Variants in SH3RF3 observed in about 807,000 individuals in gnomAD.
The protein encoded by SH3RF3 is SH3 domain containing ring finger 3.
A neutral mutation model predicts 66.3 loss-of-function variants in SH3RF3; 29 were observed. The ratio of observed to expected loss-of-function variants is 0.44; its 90% CI spans 0.33 to 0.60. The LOEUF (loss-of-function observed/expected upper bound fraction) is 0.60. Ranked by LOEUF, SH3RF3 falls within the 20% of genes least tolerant of loss-of-function variation. SH3RF3 has a pLI of 0.04. For missense variants in SH3RF3, 1,194 were observed against 1,190.9 expected, an observed-to-expected ratio of 1.00 and a Z score of -0.04; for synonymous variants, 583 against 532.0, an observed-to-expected ratio of 1.10 and a Z score of -1.32.
At chr2:109,398,995 C>A in intron 4 of SH3RF3, 52 bp downstream of exon 4, 1 of 1,525,938 alleles carries the variant, frequency 6.6e-7, no homozygotes, top group Non-Finnish European at 8.8e-7. Flanking sequence ...GGGGTTCTAT[C>A]CTCAGCTCCG....
intron 1 of SH3RF3, among the ~76,000 whole-genome samples, chr2:109,214,206 A>G (rs906665413): frequency 6.6e-6 from 1 of 152,188 alleles, no homozygotes; most frequent in African/African-American, 2.4e-5. Flanking sequence ...GTGACTGGAA[A>G]TAAAGCTGTC....
At chr2:109,455,343 T>TG (rs1350434701) in intron 8 of SH3RF3, among the ~76,000 whole-genome samples, 1 of 152,168 alleles carries the variant, frequency 6.6e-6, no homozygotes, top group Non-Finnish European at 1.5e-5. Flanking sequence ...AATGAATCAC[T>TG]TACCAGTCCA....
chr2:109,276,320 C>T (rs1238137608), intron 1 of SH3RF3, among the ~76,000 whole-genome samples: 1 of 152,180 alleles, frequency 6.6e-6, no homozygotes, highest in African/African-American at 2.4e-5. Context: ...TGGGATTTGT[C>T]CTTTGAGCTA....
At chr2:109,164,860 G>C (rs557470173) in intron 1 of SH3RF3, among the ~76,000 whole-genome samples, 65 of 152,306 alleles carry the variant, frequency 4.3e-4, no homozygotes, top group African/African-American at 1.6e-3. Context: ...TCTAATCAAG[G>C]CTGCAAGTTC....
chr2:109,466,072 C>CTTTTTTT (rs1171998206), intron 8 of SH3RF3, among the ~76,000 whole-genome samples: 180 of 82,372 alleles, frequency 2.2e-3, no homozygotes, highest in Non-Finnish European at 2.6e-3. Flanking sequence ...ACCTGTACAT[C>CTTTTTTT]TTTTTTTTTT....
chr2:109,447,989 T>A (rs1211619971), intron 7 of SH3RF3, among the ~76,000 whole-genome samples: 1 of 152,156 alleles, frequency 6.6e-6, no homozygotes, highest in Non-Finnish European at 1.5e-5. Flanking sequence ...CGGCTTCTCC[T>A]CCAGGCTGCT....
chr2:109,221,594 A>C (rs1286612308), intron 1 of SH3RF3, among the ~76,000 whole-genome samples: 1 of 151,894 alleles, frequency 6.6e-6, no homozygotes, highest in African/African-American at 2.4e-5. Flanking sequence ...AAAAAAAAAA[A>C]AAAAAAAAGT....
intron 8 of SH3RF3, among the ~76,000 whole-genome samples, chr2:109,487,957 C>T (rs541358535): frequency 3.9e-5 from 6 of 152,216 alleles, no homozygotes; most frequent in Admixed American, 1.3e-4. Flanking sequence ...GGAGCCTAGA[C>T]GGGGATGAAC....
rs754038639 is a variant in SH3RF3 at position 109,449,327 on chromosome 2, A to G, written c.1986A>G (p.Pro662=). 1 of 1,605,028 alleles carries G rather than the reference A, an allele frequency of 6.2e-7. No individual in the cohort carries two copies. The highest frequency in any genetic ancestry group is 8.5e-7 in the Non-Finnish European group (1 of 1,174,974). Residue 662 remains proline, a synonymous_variant, in exon 8 of 10, where the codon CCA becomes CCG. Coordinates refer to ENST00000309415, the MANE Select transcript of SH3RF3 (RefSeq NM_001099289.3). ...HSHQPPVQMC[P]RPAIPLTSAA... ...ACCAGCCCCCGGTGCAGATGTGCCC[A>G]CGGCCGGCCATCCCCCTCACATCAG...
At chr2:109,384,429 C>G (rs1017857427) in intron 3 of SH3RF3, among the ~76,000 whole-genome samples, 25 of 152,060 alleles carry the variant, frequency 1.6e-4, no homozygotes, top group African/African-American at 5.3e-4. Context: ...AGGGAGGGAG[C>G]AGGTCCAGGG....
chr2:109,491,061 A>C, intron 9 of SH3RF3, 125 bp downstream of exon 9: 1 of 870,730 alleles, frequency 1.1e-6, no homozygotes, highest in Non-Finnish European at 1.6e-6. Flanking sequence ...GTACCTCAAC[A>C]CCCAGATCCA....
chr2:109,377,885 G>A (rs1043634546), intron 3 of SH3RF3, among the ~76,000 whole-genome samples: 1 of 152,212 alleles, frequency 6.6e-6, no homozygotes, highest in African/African-American at 2.4e-5. Context: ...GTATGCTCTT[G>A]AGACGTTTGG....
intron 8 of SH3RF3, among the ~76,000 whole-genome samples, chr2:109,451,016 C>T (rs181742145): frequency 6.6e-6 from 1 of 152,352 alleles, no homozygotes; most frequent in Non-Finnish European, 1.5e-5. Flanking sequence ...TGGAGGCAGG[C>T]CCTGCTCCCC....
intron 1 of SH3RF3, among the ~76,000 whole-genome samples, chr2:109,295,260 C>T (rs1243116286): frequency 3.3e-5 from 5 of 152,208 alleles, no homozygotes; most frequent in Admixed American, 6.5e-5. Flanking sequence ...TCGCTTGGGC[C>T]TGCGGTGGCT....
chr2:109,338,683 A>G (rs1470850737), intron 1 of SH3RF3, among the ~76,000 whole-genome samples: 1 of 152,114 alleles, frequency 6.6e-6, no homozygotes, highest in African/African-American at 2.4e-5. Flanking sequence ...TCAGCCTCAC[A>G]AGTAGCTGTG....
intron 1 of SH3RF3, among the ~76,000 whole-genome samples, chr2:109,213,289 C>T (rs1440653792): frequency 6.6e-6 from 1 of 152,234 alleles, no homozygotes; most frequent in Non-Finnish European, 1.5e-5. Context: ...CCTTCCACAC[C>T]CTGGTGTGTC....
intron 2 of SH3RF3, among the ~76,000 whole-genome samples, chr2:109,353,208 C>T (rs566076100): frequency 2.6e-5 from 4 of 152,348 alleles, no homozygotes; most frequent in South Asian, 2.1e-4. Flanking sequence ...TTCTGGCCCC[C>T]GGCTCATTGC....
rs1025343914 is a variant in SH3RF3, at chr2:109,493,067, C to T, written c.2480+2131C>T. 5.3e-5 allele frequency among the ~76,000 whole-genome samples: 8 copies of T among 152,074 alleles called. No individual in the cohort carries two copies. The South Asian group carries it at 1.7e-3, about 32-fold the overall frequency. On this transcript the variant is annotated intron_variant, in intron 9 of 9. Transcript: ENST00000309415. ...CCCACATACATCATACAAACACACA[C>T]ACCACACATACACCATACATACAAA... is the stretch of plus-strand genomic sequence containing the variant.
intron 4 of SH3RF3, among the ~76,000 whole-genome samples, chr2:109,410,051 A>G (rs1002509126): frequency 2.0e-5 from 3 of 152,276 alleles, no homozygotes; most frequent in African/African-American, 7.2e-5. Context: ...TTTCCCTTTT[A>G]GTAATCCCAG....
Sources: gnomAD v4.1 joint callset for allele counts (sites outside exome capture counted in the v4.1 genomes callset) on GRCh38, gnomAD v4.1.1 for gene constraint, MANE v1.5 for transcripts, NCBI Gene and HGNC (gene_info 2026-07-23, HGNC 2026-07-21) for gene names.